ADD2: variants seen among roughly 807,000 people sequenced by gnomAD.
ADD2 encodes the protein adducin 2.
ADD2 carries 23 observed loss-of-function variants against 83.0 expected under a neutral mutation model. The observed-to-expected ratio is 0.28, with a 90% confidence interval of 0.20 to 0.39. The LOEUF (loss-of-function observed/expected upper bound fraction) is 0.39. ADD2 is among the 10% of genes least tolerant of loss of function. The pLI is 1.00. For missense variants in ADD2, 758 were observed against 944.9 expected (o/e 0.80, Z 2.59); for synonymous variants, 375 against 375.4 (o/e 1.00, Z 0.01).
At chr2:70,703,109 G>A (rs1553373731) in intron 4 of ADD2, among the ~76,000 whole-genome samples, 1 of 151,090 alleles carries the variant, frequency 6.6e-6, no homozygotes, top group African/African-American at 2.4e-5. Flanking sequence ...AACAGAGTGA[G>A]ATTCTGCGTG....
intron 1 of ADD2, among the ~76,000 whole-genome samples, chr2:70,767,158 C>T (rs1055016336): frequency 6.6e-6 from 1 of 152,164 alleles, no homozygotes; most frequent in African/African-American, 2.4e-5. Flanking sequence ...CACCGACTCC[C>T]GCCTCCGGGA....
At chr2:70,760,502 C>G (rs1675027379) in intron 1 of ADD2, 1 of 152,166 alleles carries the variant, frequency 6.6e-6, no homozygotes, top group South Asian at 2.1e-4. Flanking sequence ...ACAAATGGTA[C>G]AGTTCTAATT....
chr2:70,692,537 G>A lies in ADD2; in HGVS notation c.571C>T (p.Leu191=). The A allele has an allele frequency of 6.2e-7, 1 of 1,608,344 alleles. No homozygotes were observed. Among genetic ancestry groups the A allele is most frequent in the Non-Finnish European group, 8.5e-7 (1 of 1,177,770 alleles). Residue 191 remains leucine, a synonymous_variant, in exon 7 of 16, where the codon CTG becomes TTG. Coordinates refer to ENST00000264436, the MANE Select transcript of ADD2 (RefSeq NM_001617.4). Reference sequence around the variant, plus strand: ...CTGCCCTTCTCCACCACCTCTCCCAGAATGTTCACCTTGATCTGCGCCAGG... The same window carrying A: ...CTGCCCTTCTCCACCACCTCTCCCAAAATGTTCACCTTGATCTGCGCCAGG... ...TASSLIKVNI[L]GEVVEKGSSC...
chr2:70,675,121 C>T (rs1670067036), intron 13 of ADD2: 1 of 1,093,282 alleles, frequency 9.1e-7, no homozygotes, highest in East Asian at 6.0e-5. Flanking sequence ...ATTGCAATCC[C>T]TTCTATGGAC....
chr2:70,664,098 A>G (rs1553365639), intron 15 of ADD2, among the ~76,000 whole-genome samples: 1 of 152,226 alleles, frequency 6.6e-6, no homozygotes, highest in Non-Finnish European at 1.5e-5. Context: ...TGAGGTGTAC[A>G]GCTTGGTGGA....
intron 1 of ADD2, among the ~76,000 whole-genome samples, chr2:70,726,767 C>T (rs1308865562): frequency 6.6e-6 from 1 of 152,132 alleles, no homozygotes; most frequent in Non-Finnish European, 1.5e-5. Context: ...AGGAGAGGCC[C>T]CTGGCATGCA....
chr2:70,683,835 G>A, intron 9 of ADD2, 68 bp from the exon 10 acceptor site: 1 of 1,510,964 alleles, frequency 6.6e-7, no homozygotes, highest in Non-Finnish European at 8.9e-7. Flanking sequence ...CTATGCTCCT[G>A]TATGTGATGA....
chr2:70,665,042 G>A (rs577000551), intron 15 of ADD2, among the ~76,000 whole-genome samples: 1 of 152,262 alleles, frequency 6.6e-6, no homozygotes, highest in South Asian at 2.1e-4. Flanking sequence ...TATGAATGCA[G>A]TGTGTGTGTT....
At position 70,662,746 on chromosome 2, in the gene ADD2, T is replaced by C. The variant is rs1553365266; in HGVS notation, c.*679A>G. The C allele has an allele frequency of 1.3e-5, 2 of 152,254 alleles. No individual in the cohort carries two copies. The highest frequency in any genetic ancestry group is 4.8e-5 in the African/African-American group (2 of 41,436). 9.4% of individuals were successfully genotyped at this position (152,254 alleles called of 1,614,324 possible). On this transcript the variant is annotated 3_prime_UTR_variant, in exon 16 of 16. Coordinates refer to ENST00000264436, the MANE Select transcript of ADD2 (RefSeq NM_001617.4). Reference sequence around the variant, plus strand: ...ATGAAACCATCCCCAATCCTCAGCTTACATGGCTTGCCCCTATGCCTACCA... The same window carrying C: ...ATGAAACCATCCCCAATCCTCAGCTCACATGGCTTGCCCCTATGCCTACCA...
At position 70,676,926 on chromosome 2, in the gene ADD2, G is replaced by C; in HGVS notation, c.1504-41C>G. The C allele has an allele frequency of 6.3e-7, 1 of 1,598,200 alleles. No homozygotes were observed. The highest frequency in any genetic ancestry group is 8.6e-7 in the Non-Finnish European group (1 of 1,169,308). ...AGAGGAAGAGTGAGCTGGCTGTTCA[G>C]GGTCAGCGTGGAGTTTGGGAGGGGG... is the stretch of plus-strand genomic sequence containing the variant. On this transcript the variant is annotated intron_variant, in intron 12 of 15. Transcript: ENST00000264436. The surrounding 1 kb of genome is among the most constrained non-coding windows in gnomAD (Gnocchi z 4.8).
At chr2:70,692,639 G>A (rs1433833909) in intron 6 of ADD2, 87 bp from the exon 7 acceptor site, 12 of 1,386,972 alleles carry the variant, frequency 8.7e-6, no homozygotes, top group South Asian at 3.0e-5. Flanking sequence ...AGCATGTGCC[G>A]CCCACCTGTC....
chr2:70,746,538 G>A (rs1674208491), intron 1 of ADD2, among the ~76,000 whole-genome samples: 1 of 152,154 alleles, frequency 6.6e-6, no homozygotes, highest in Non-Finnish European at 1.5e-5. Flanking sequence ...GGAGAGGTGA[G>A]TAGACATGTG....
At position 70,696,233 on chromosome 2, in the gene ADD2, C is replaced by T. The variant is rs529577402; in HGVS notation, c.474+12G>A. Reference sequence around the variant, plus strand: ...TGCAGTGCCCCACCCAATTCCAGGGCGTTCTGCTCACCGTGACATAGGTGT... The same window carrying T: ...TGCAGTGCCCCACCCAATTCCAGGGTGTTCTGCTCACCGTGACATAGGTGT... On this transcript the variant is annotated intron_variant, in intron 5 of 15. Coordinates refer to ENST00000264436, the MANE Select transcript of ADD2 (RefSeq NM_001617.4). 3.5e-5 allele frequency: 57 copies of T among 1,608,782 alleles called. No homozygotes were observed. Among genetic ancestry groups the T allele is most frequent in the Admixed American group, 2.7e-4 (16 of 59,410 alleles).
Position 70,695,740 on chromosome 2 carries a change from T to A in ADD2, c.536A>T (p.Glu179Val). The change falls in exon 6 of 16, where the codon GAA becomes GTA. Residue 179 changes from glutamate to valine, a missense_variant. Coordinates refer to ENST00000264436, the MANE Select transcript of ADD2 (RefSeq NM_001617.4). ...LISPKGVSCS[E>V]VTASSLIKVN... is the part of the protein sequence containing the mutation. ...ACTCACCAGGCTGGACGCTGTGACTTCACTGCAAGAAACTCCCTTAGGGCT... is the reference window on the plus strand; with the variant it reads ...ACTCACCAGGCTGGACGCTGTGACTACACTGCAAGAAACTCCCTTAGGGCT... 1 of 1,614,142 alleles carries A rather than the reference T, an allele frequency of 6.2e-7. No homozygotes were observed. Among genetic ancestry groups the A allele is most frequent in the Non-Finnish European group, 8.5e-7 (1 of 1,180,020 alleles).
intron 4 of ADD2, 28 bp from the exon 5 acceptor site, chr2:70,696,424 G>C (rs1553372740): frequency 6.2e-7 from 1 of 1,613,132 alleles, no homozygotes; most frequent in East Asian, 2.2e-5. Flanking sequence ...TTCTCTCAGG[G>C]CCAGGGCCCA....
chr2:70,676,668 CA>C lies in ADD2; in HGVS notation c.1593+127del. 6.7e-7 allele frequency: 1 copy of C among 1,500,260 alleles called. No homozygotes were observed. Among genetic ancestry groups the C allele is most frequent in the Non-Finnish European group, 9.0e-7 (1 of 1,116,812 alleles). The allele number at this position is 1,500,260 out of a possible 1,614,324, so 92.9% of individuals were successfully genotyped here. On this transcript the variant is annotated intron_variant, in intron 13 of 15. Transcript: ENST00000264436. The surrounding 1 kb of genome is among the most constrained non-coding windows in gnomAD (Gnocchi z 4.8). ...GTTGGCCTCCATTTTGCAGCAAGAG[CA>C]CCGGCACCCAAGATCACAGGGGAAG...
At chr2:70,666,884 G>C (rs1000495489) in intron 15 of ADD2, among the ~76,000 whole-genome samples, 1 of 152,184 alleles carries the variant, frequency 6.6e-6, no homozygotes, top group South Asian at 2.1e-4. Context: ...ATAGCAAATG[G>C]AAAATGGGGC....
intron 1 of ADD2, among the ~76,000 whole-genome samples, chr2:70,723,008 A>C (rs1239006953): frequency 2.6e-5 from 4 of 152,236 alleles, no homozygotes; most frequent in African/African-American, 9.6e-5. Context: ...GTAGGAGAGA[A>C]AATTAAAAAC....
At chr2:70,715,316 C>A (rs1672408397) in intron 1 of ADD2, among the ~76,000 whole-genome samples, 1 of 152,208 alleles carries the variant, frequency 6.6e-6, no homozygotes, top group Admixed American at 6.5e-5. Flanking sequence ...CCCTCTGAGC[C>A]TGCTGAAGCT....
Sources: gnomAD v4.1 joint callset for allele counts (sites outside exome capture counted in the v4.1 genomes callset) on GRCh38, gnomAD v4.1.1 for gene constraint, Gnocchi (gnomAD v3.1) non-coding constraint, MANE v1.5 for transcripts, NCBI Gene and HGNC (gene_info 2026-07-23, HGNC 2026-07-21) for gene names.